The following RANBP3 variants were observed in gnomAD, a reference collection of about 807,000 sequenced individuals.
The protein encoded by RANBP3 is ran-binding protein 3.
RANBP3 carries 14 observed loss-of-function variants against 77.3 expected under a neutral mutation model. That is an observed-to-expected ratio of 0.18 (90% confidence interval 0.12 to 0.28). The LOEUF is 0.28. RANBP3 is among the 10% of genes least tolerant of loss of function. The pLI, the probability that RANBP3 is intolerant of heterozygous loss-of-function variation, is 1.00. For synonymous variants in RANBP3, 315 were observed against 312.4 expected (o/e 1.01, Z -0.09); for missense variants, 586 against 752.3 (o/e 0.78, Z 2.59).
chr19:5,971,810 T>C (rs1331164085), intron 1 of RANBP3, among the ~76,000 whole-genome samples: 1 of 152,184 alleles, frequency 6.6e-6, no homozygotes, highest in Admixed American at 6.5e-5. Context: ...GTCTGTATAA[T>C]AGGATTGAAA....
intron 6 of RANBP3, 42 bp from the exon 7 acceptor site, chr19:5,932,586 G>C (rs777165815): frequency 6.5e-7 from 1 of 1,548,872 alleles, no homozygotes; most frequent in South Asian, 1.1e-5. Flanking sequence ...GTGGACCCCT[G>C]CCTGCCCCCA....
intron 1 of RANBP3, among the ~76,000 whole-genome samples, chr19:5,964,279 A>G (rs1477612153): frequency 6.6e-6 from 1 of 152,128 alleles, no homozygotes; most frequent in Non-Finnish European, 1.5e-5. Context: ...AACTTCTGCC[A>G]GATGTTGGGA....
In RANBP3 at chr19:5,925,773, G is replaced by A. The variant is rs147611655; in HGVS notation, c.814-36C>T. On this transcript the variant is annotated intron_variant, in intron 9 of 16. Transcript: ENST00000340578. ...GACGGAGCGCTCAGTAATCGGGGGTGGGGGGGTGCCTGGAGTTCCACAGCT... is the reference window on the plus strand; with the variant it reads ...GACGGAGCGCTCAGTAATCGGGGGTAGGGGGGTGCCTGGAGTTCCACAGCT... 323 of 1,554,636 alleles carry A rather than the reference G, an allele frequency of 2.1e-4. 1 individual carries two copies. Among genetic ancestry groups the A allele is most frequent in the South Asian group, 1.5e-3 (136 of 89,734 alleles).
rs544416377 is a variant in RANBP3 at position 5,968,811 on chromosome 19, G to A, written c.22+9250C>T. ...CAAGCACAGACTTGTGCTAGGCACC[G>A]AGCTTGCCACTGGAGACAGGAAAGA... is the stretch of plus-strand genomic sequence containing the variant. On this transcript the variant is annotated intron_variant, in intron 1 of 16. Transcript: ENST00000340578. Among the ~76,000 whole-genome samples the A allele has an allele frequency of 2.6e-5, 4 of 152,234 alleles. No homozygotes were observed. In the South Asian group the frequency reaches 6.2e-4, roughly 24 times the overall value.
chr19:5,927,826 C>A (rs944850828), intron 9 of RANBP3, 142 bp downstream of exon 9: 2 of 1,082,932 alleles, frequency 1.8e-6, no homozygotes, highest in African/African-American at 3.2e-5. Flanking sequence ...CAGACTGTGC[C>A]GTGAGCCATG....
intron 1 of RANBP3, among the ~76,000 whole-genome samples, chr19:5,974,008 T>G (rs1182736529): frequency 2.0e-5 from 3 of 152,118 alleles, no homozygotes; most frequent in African/African-American, 7.2e-5. Context: ...GTCTCTCACC[T>G]GGGGGCGATT....
chr19:5,935,537 T>C (rs2058052319), intron 5 of RANBP3: 2 of 280,658 alleles, frequency 7.1e-6, no homozygotes, highest in East Asian at 1.6e-4. Flanking sequence ...TCAAGCTGGC[T>C]CTCCACGCTG....
intron 6 of RANBP3, chr19:5,933,093 T>C (rs1229812708): frequency 8.6e-6 from 3 of 350,634 alleles, no homozygotes; most frequent in African/African-American, 4.2e-5. Flanking sequence ...CACTGTGGTA[T>C]GTGGGGGCCA....
chr19:5,946,597 G>A (rs1442812683), intron 3 of RANBP3, among the ~76,000 whole-genome samples: 1 of 152,188 alleles, frequency 6.6e-6, no homozygotes, highest in Non-Finnish European at 1.5e-5. Context: ...CAGAACGCGT[G>A]CCTGTGGACA....
chr19:5,939,067 C>G (rs1488335477), intron 5 of RANBP3, among the ~76,000 whole-genome samples: 2 of 152,164 alleles, frequency 1.3e-5, no homozygotes, highest in Non-Finnish European at 1.5e-5. Flanking sequence ...CGCCTGTAAT[C>G]CCAGCTACTC....
At chr19:5,975,124 A>G (rs1244233416) in intron 1 of RANBP3, among the ~76,000 whole-genome samples, 1 of 152,214 alleles carries the variant, frequency 6.6e-6, no homozygotes, top group African/African-American at 2.4e-5. Flanking sequence ...TGAATAACAA[A>G]TTAAACATCC....
intron 6 of RANBP3, chr19:5,933,136 C>T (rs574059943): frequency 4.5e-5 from 19 of 419,300 alleles, no homozygotes; most frequent in Admixed American, 3.8e-4. Context: ...GAACCAAGTG[C>T]GCTACTGCTG....
In RANBP3 at chr19:5,923,794, G is replaced by A. The variant is rs373775887; in HGVS notation, c.1099+18C>T. On this transcript the variant is annotated intron_variant, in intron 12 of 16. Transcript: ENST00000340578. ...TGACCTACCATGAGCCCCATGCTGTGGTGGGACGCTAACATACCTTTCTCA... is the reference window on the plus strand; with the variant it reads ...TGACCTACCATGAGCCCCATGCTGTAGTGGGACGCTAACATACCTTTCTCA... 2 of 1,575,740 alleles carry A rather than the reference G, an allele frequency of 1.3e-6. No individual in the cohort carries two copies. Among genetic ancestry groups the A allele is most frequent in the African/African-American group, 1.3e-5 (1 of 74,118 alleles).
intron 5 of RANBP3, among the ~76,000 whole-genome samples, chr19:5,938,845 G>A (rs1368908563): frequency 1.3e-5 from 2 of 152,116 alleles, no homozygotes; most frequent in Non-Finnish European, 2.9e-5. Context: ...TGGGGAAGGG[G>A]CAGGGATTCT....
rs2057818670 is a variant in RANBP3 at position 5,921,445 on chromosome 19, C to T, written c.1210-124G>A. ...CCAGCCAACGACGGCCTGGGGGCCA[C>T]CTTGGTCAGTTTTTTGTCCTGCCCT... On this transcript the variant is annotated intron_variant, in intron 13 of 16. Transcript: ENST00000340578. The surrounding 1 kb of genome is among the most constrained non-coding windows in gnomAD (Gnocchi z 5.3). 2 of 1,312,524 alleles carry T rather than the reference C, an allele frequency of 1.5e-6. No homozygotes were observed. Among genetic ancestry groups the T allele is most frequent in the Non-Finnish European group, 2.1e-6 (2 of 960,050 alleles). 81.3% of individuals were successfully genotyped at this position (1,312,524 alleles called of 1,614,324 possible).
intron 1 of RANBP3, among the ~76,000 whole-genome samples, chr19:5,966,691 C>T (rs994871962): frequency 9.2e-5 from 14 of 152,226 alleles, no homozygotes; most frequent in Admixed American, 5.2e-4. Flanking sequence ...GAAGAAACTA[C>T]GTAGGCCTGG....
chr19:5,944,279 C>T (rs755033113), intron 3 of RANBP3, among the ~76,000 whole-genome samples: 2 of 152,132 alleles, frequency 1.3e-5, no homozygotes, highest in Non-Finnish European at 1.5e-5. Context: ...AGCCAGGAGG[C>T]GAGGGACCTG....
rs146564387 is a variant in RANBP3 at position 5,952,097 on chromosome 19, G to C, written c.79-501C>G. 2.9e-3 allele frequency among the ~76,000 whole-genome samples: 437 copies of C among 152,300 alleles called. No individual in the cohort carries two copies. Among genetic ancestry groups the C allele is most frequent in the African/African-American group, 0.01 (426 of 41,558 alleles). ...TCAAGGGCTTCTGCCTCTCGCCGGG[G>C]TCAAGGGCTTCTGCCTCTCACTACA... On this transcript the variant is annotated intron_variant, in intron 2 of 16. Transcript: ENST00000340578. The surrounding 1 kb of genome is among the most constrained non-coding windows in gnomAD (Gnocchi z 4.1).
At position 5,920,733 on chromosome 19, in the gene RANBP3, A is replaced by T. The variant is rs577140613; in HGVS notation, c.1330+468T>A. ...CGGCTAATTTTTGTATTTTTAGTAG[A>T]GACAGGGTTTTGCCATGTTGGCCAG... On this transcript the variant is annotated intron_variant, in intron 14 of 16. Coordinates refer to ENST00000340578, the MANE Select transcript of RANBP3 (RefSeq NM_007322.3). 2.3e-3 allele frequency among the ~76,000 whole-genome samples: 354 copies of T among 152,220 alleles called. 2 individuals are homozygous for T. The highest frequency in any genetic ancestry group is 7.2e-3 in the African/African-American group (300 of 41,514).
Sources: gnomAD v4.1 joint callset for allele counts (sites outside exome capture counted in the v4.1 genomes callset) on GRCh38, gnomAD v4.1.1 for gene constraint, Gnocchi (gnomAD v3.1) non-coding constraint, MANE v1.5 for transcripts, NCBI Gene and HGNC (gene_info 2026-07-23, HGNC 2026-07-21) for gene names.